Variants in THSD4 observed in about 807,000 individuals in gnomAD.
The protein encoded by THSD4 is thrombospondin type-1 domain-containing protein 4.
A neutral mutation model predicts 119.0 loss-of-function variants in THSD4; 69 were observed. That is an observed-to-expected ratio of 0.58 (90% confidence interval 0.48 to 0.71). THSD4 has a LOEUF of 0.71. Among genes scored for constraint, THSD4 ranks in the 30% least tolerant of loss-of-function variants. The pLI is 0.00. For synonymous variants in THSD4, 524 were observed against 540.4 expected, an observed-to-expected ratio of 0.97 and a Z score of 0.42; for missense variants, 1,393 against 1,391.1, an observed-to-expected ratio of 1.00 and a Z score of -0.02.
chr15:71,173,778 G>A (rs1044532677), intron 3 of THSD4, among the ~76,000 whole-genome samples: 1 of 152,000 alleles, frequency 6.6e-6, no homozygotes, highest in African/African-American at 2.4e-5. Context: ...TTACTGCAGA[G>A]CTATAGTAAC....
chr15:71,276,035 C>G (rs1346715877), intron 6 of THSD4, among the ~76,000 whole-genome samples: 1 of 152,214 alleles, frequency 6.6e-6, no homozygotes, highest in African/African-American at 2.4e-5. Context: ...AGCTACCAAA[C>G]CTGCCAGTCT....
intron 6 of THSD4, among the ~76,000 whole-genome samples, chr15:71,375,187 A>G (rs1030656983): frequency 6.6e-6 from 1 of 152,222 alleles, no homozygotes; most frequent in African/African-American, 2.4e-5. Flanking sequence ...ACTAAAGATG[A>G]TCTTTTCATC....
chr15:71,768,930 CCCGGCCAGCCGCCCCG>C (rs2053764421), intron 16 of THSD4, among the ~76,000 whole-genome samples: 1 of 145,150 alleles, frequency 6.9e-6, no homozygotes, highest in African/African-American at 2.6e-5. Context: ...TGGCTGGCTG[CCCGGCCAGCCGCCCCG>C]TCCGGGAGGG....
chr15:71,165,637 C>T (rs1210263650), intron 3 of THSD4, among the ~76,000 whole-genome samples: 2 of 152,158 alleles, frequency 1.3e-5, no homozygotes, highest in Non-Finnish European at 2.9e-5. Flanking sequence ...GACTCAGTAA[C>T]ATGGTCTCTG....
At chr15:71,742,042 T>C (rs2053246240) in intron 11 of THSD4, among the ~76,000 whole-genome samples, 2 of 152,192 alleles carry the variant, frequency 1.3e-5, no homozygotes, top group South Asian at 2.1e-4. Context: ...TCAGCAGTCA[T>C]GGCAAGTGAC....
chr15:71,604,103 G>A (rs549037579), intron 7 of THSD4, among the ~76,000 whole-genome samples: 2 of 152,280 alleles, frequency 1.3e-5, no homozygotes, highest in African/African-American at 2.4e-5. Context: ...GAAAAATAAT[G>A]GAGAGGAAAA....
intron 7 of THSD4, among the ~76,000 whole-genome samples, chr15:71,566,519 T>A (rs2049242990): frequency 6.6e-6 from 1 of 152,122 alleles, no homozygotes; most frequent in South Asian, 2.1e-4. Context: ...TGTTAAAGGG[T>A]GGGGCTTGGA....
chr15:71,774,504 A>G (rs563242219), intron 17 of THSD4, among the ~76,000 whole-genome samples: 1 of 152,312 alleles, frequency 6.6e-6, no homozygotes, highest in Non-Finnish European at 1.5e-5. Flanking sequence ...AACTTGGTGT[A>G]AACTTTTTGA....
chr15:71,400,677 A>G (rs1285040991), intron 6 of THSD4, among the ~76,000 whole-genome samples: 1 of 152,188 alleles, frequency 6.6e-6, no homozygotes, highest in East Asian at 1.9e-4. Context: ...TAACCCCTGC[A>G]TATACACTTA....
Position 71,557,274 on chromosome 15 carries a change from T to A in THSD4, c.1153-103256T>A, listed in dbSNP as rs117410810. 3.7e-3 allele frequency among the ~76,000 whole-genome samples: 568 copies of A among 152,336 alleles called. 4 individuals carry two copies. Among genetic ancestry groups the A allele is most frequent in the East Asian group, 0.028 (147 of 5,194 alleles). ...TTTTTTAATCTGTCAGTGTGATAAA[T>A]TACAGAAACAGATTTTATAATGTTA... On this transcript the variant is annotated intron_variant, in intron 7 of 17. Transcript: ENST00000261862.
At chr15:71,206,665 A>G (rs1295098257) in intron 3 of THSD4, among the ~76,000 whole-genome samples, 1 of 152,248 alleles carries the variant, frequency 6.6e-6, no homozygotes, top group Non-Finnish European at 1.5e-5. Flanking sequence ...ACATTAGTAC[A>G]GAAACCAAAT....
intron 7 of THSD4, among the ~76,000 whole-genome samples, chr15:71,429,439 G>C (rs932705694): frequency 2.0e-5 from 3 of 152,198 alleles, no homozygotes; most frequent in Non-Finnish European, 4.4e-5. Flanking sequence ...ACAAAAGTCT[G>C]TCCAGGTGTA....
intron 7 of THSD4, among the ~76,000 whole-genome samples, chr15:71,461,046 C>G (rs1000580896): frequency 6.6e-6 from 1 of 152,324 alleles, no homozygotes; most frequent in African/African-American, 2.4e-5. Context: ...TATCACCCCA[C>G]AAAGTTTCTG....
chr15:71,613,241 C>G (rs2050262586), intron 7 of THSD4, among the ~76,000 whole-genome samples: 1 of 152,086 alleles, frequency 6.6e-6, no homozygotes, highest in Non-Finnish European at 1.5e-5. Flanking sequence ...TATTATGTGC[C>G]CCTCTTGGAG....
intron 7 of THSD4, among the ~76,000 whole-genome samples, chr15:71,562,997 G>C (rs180777868): frequency 6.6e-6 from 1 of 152,110 alleles, no homozygotes; most frequent in African/African-American, 2.4e-5. Flanking sequence ...GCCCTTTGCT[G>C]TATATTCTAT....
At chr15:71,206,446 G>C (rs762888229) in intron 3 of THSD4, among the ~76,000 whole-genome samples, 1 of 152,158 alleles carries the variant, frequency 6.6e-6, no homozygotes, top group Non-Finnish European at 1.5e-5. Context: ...TGTTCTCAGG[G>C]CTCAAACTCC....
chr15:71,449,381 G>A (rs991632482), intron 7 of THSD4, among the ~76,000 whole-genome samples: 1 of 152,190 alleles, frequency 6.6e-6, no homozygotes, highest in African/African-American at 2.4e-5. Flanking sequence ...AAGAACATGA[G>A]CTTTGGAGTC....
At chr15:71,202,019 A>G (rs1478430063) in intron 3 of THSD4, among the ~76,000 whole-genome samples, 1 of 152,146 alleles carries the variant, frequency 6.6e-6, no homozygotes, top group Admixed American at 6.5e-5. Context: ...CATGGCAGAA[A>G]TAGTGGTGGG....
chr15:71,389,622 CTT>C (rs2046345071), intron 6 of THSD4, among the ~76,000 whole-genome samples: 1 of 151,926 alleles, frequency 6.6e-6, no homozygotes. Context: ...CTCTTCAAGA[CTT>C]TGTTTTCAGT....
Sources: gnomAD v4.1 joint callset for allele counts (sites outside exome capture counted in the v4.1 genomes callset) on GRCh38, gnomAD v4.1.1 for gene constraint, MANE v1.5 for transcripts, NCBI Gene and HGNC (gene_info 2026-07-23, HGNC 2026-07-21) for gene names.